The following PDE4D variants were observed in gnomAD, a reference collection of about 807,000 sequenced individuals.
PDE4D encodes phosphodiesterase 4D.
A neutral mutation model predicts 87.4 loss-of-function variants in PDE4D; 24 were observed. The ratio of observed to expected loss-of-function variants is 0.27; its 90% CI spans 0.20 to 0.39. The LOEUF (loss-of-function observed/expected upper bound fraction) is 0.39. PDE4D is among the 10% of genes least tolerant of loss of function. PDE4D has a pLI of 1.00. For missense variants in PDE4D, 714 were observed against 1,041.0 expected, an observed-to-expected ratio of 0.69 and a Z score of 4.32; for synonymous variants, 384 against 383.2, an observed-to-expected ratio of 1.00 and a Z score of -0.02.
chr5:59,451,151 A>G lies in PDE4D; in HGVS notation c.456-235183T>C, dbSNP rs569965662. 9.2e-5 allele frequency among the ~76,000 whole-genome samples: 14 copies of G among 152,304 alleles called. No homozygotes were observed. The South Asian group carries it at 2.7e-3, about 29-fold the overall frequency. On this transcript the variant is annotated intron_variant, in intron 1 of 14. Transcript: ENST00000340635. ...GACTTGTGTTTCACTAAACCAATGAACATTTCTGAAGCTATTGGCCACTCC... is the reference window on the plus strand; with the variant it reads ...GACTTGTGTTTCACTAAACCAATGAGCATTTCTGAAGCTATTGGCCACTCC...
intron 1 of PDE4D, among the ~76,000 whole-genome samples, chr5:59,566,854 T>G (rs1310761685): frequency 6.9e-6 from 1 of 145,738 alleles, no homozygotes; most frequent in Non-Finnish European, 1.5e-5. Flanking sequence ...ATGTTCACAC[T>G]GTATTTCTTC....
chr5:59,737,256 A>T (rs1223395859), intron 1 of PDE4D, among the ~76,000 whole-genome samples: 1 of 152,128 alleles, frequency 6.6e-6, no homozygotes, highest in African/African-American at 2.4e-5. Flanking sequence ...ATCTTTTTTT[A>T]AAAATGTTAA....
intron 1 of PDE4D, among the ~76,000 whole-genome samples, chr5:59,477,353 T>TAAAAAA (rs35047246): frequency 1.1e-5 from 1 of 88,286 alleles, no homozygotes; most frequent in Non-Finnish European, 2.3e-5. Flanking sequence ...TAGAGTATAA[T>TAAAAAA]AAAAAAAAAA....
chr5:59,930,972 T>G (rs936377744), intron 3 of PDE4D, among the ~76,000 whole-genome samples: 3 of 152,228 alleles, frequency 2.0e-5, no homozygotes, highest in Non-Finnish European at 2.9e-5. Context: ...GTGATTGTAA[T>G]AAAAATATGA....
chr5:60,057,603 C>T (rs1025206023), intron 2 of PDE4D, among the ~76,000 whole-genome samples: 2 of 151,872 alleles, frequency 1.3e-5, no homozygotes, highest in African/African-American at 4.8e-5. Context: ...CTCCCATTAG[C>T]TAGTGTTGAG....
chr5:59,397,903 C>T lies in PDE4D; in HGVS notation c.456-181935G>A, dbSNP rs1196494325. On this transcript the variant is annotated intron_variant, in intron 1 of 14. Coordinates refer to ENST00000340635, the MANE Select transcript of PDE4D (RefSeq NM_001104631.2). ...ATAAAAAATGATAAAGGGGATATCA[C>T]CAACGATCCCACAGAAATACAAACT... Among the ~76,000 whole-genome samples the T allele has an allele frequency of 1.7e-4, 21 of 121,498 alleles. 5 individuals are homozygous for T. Among genetic ancestry groups the T allele is most frequent in the African/African-American group, 6.9e-4 (21 of 30,404 alleles). The allele number at this position is 121,498 out of a possible 152,430, so 79.7% of individuals were successfully genotyped here. A position where few individuals can be genotyped will look rare whatever the true frequency, so the allele number is the denominator to read the frequency against.
chr5:59,300,812 TCA>T (rs1770086480), intron 1 of PDE4D, among the ~76,000 whole-genome samples: 1 of 152,124 alleles, frequency 6.6e-6, no homozygotes, highest in South Asian at 2.1e-4. Context: ...ACCACACCAG[TCA>T]CAAGTGTGGG....
chr5:59,291,479 T>G (rs1767994190), intron 1 of PDE4D, among the ~76,000 whole-genome samples: 2 of 151,966 alleles, frequency 1.3e-5, no homozygotes, highest in Admixed American at 1.3e-4. Flanking sequence ...TAAAAAAATG[T>G]AATTAGATAG....
chr5:59,774,881 G>C (rs1280305893), intron 1 of PDE4D, among the ~76,000 whole-genome samples: 1 of 151,884 alleles, frequency 6.6e-6, no homozygotes, highest in East Asian at 1.9e-4. Context: ...TTTTAGTAGA[G>C]ACAGGGTTTC....
chr5:59,480,760 T>C (rs187055548), intron 1 of PDE4D, among the ~76,000 whole-genome samples: 5 of 152,320 alleles, frequency 3.3e-5, no homozygotes, highest in African/African-American at 7.2e-5. Context: ...CATTCATTTA[T>C]TGAGCAGTTA....
At chr5:59,423,198 C>A (rs1406130749) in intron 1 of PDE4D, among the ~76,000 whole-genome samples, 2 of 152,082 alleles carry the variant, frequency 1.3e-5, no homozygotes, top group African/African-American at 4.8e-5. Flanking sequence ...TGGTTCTCAG[C>A]AGAGTATGTT....
intron 1 of PDE4D, among the ~76,000 whole-genome samples, chr5:60,326,440 A>C (rs1312630398): frequency 1.3e-5 from 2 of 152,166 alleles, no homozygotes; most frequent in Non-Finnish European, 2.9e-5. Flanking sequence ...AACACTAGAC[A>C]CTTTAATTCA....
chr5:60,255,220 G>A (rs1748913962), intron 1 of PDE4D, among the ~76,000 whole-genome samples: 1 of 151,884 alleles, frequency 6.6e-6, no homozygotes, highest in African/African-American at 2.4e-5. Flanking sequence ...TCAAAGTGAA[G>A]ACACTGATGT....
intron 1 of PDE4D, among the ~76,000 whole-genome samples, chr5:59,574,963 C>T (rs1561244648): frequency 6.6e-6 from 1 of 151,902 alleles, no homozygotes; most frequent in Non-Finnish European, 1.5e-5. Context: ...AACCACTATA[C>T]TAAAGAATTG....
intron 1 of PDE4D, among the ~76,000 whole-genome samples, chr5:60,300,076 C>T (rs1365404062): frequency 6.6e-6 from 1 of 151,854 alleles, no homozygotes; most frequent in African/African-American, 2.4e-5. Context: ...TTTTTTTATT[C>T]TTAATCACAG....
At chr5:59,125,377 C>T in intron 5 of PDE4D, 1 of 621,976 alleles carries the variant, frequency 1.6e-6, no homozygotes, top group Non-Finnish European at 2.0e-6. Flanking sequence ...GATCCTCTTC[C>T]TTAAGCTTCC....
intron 1 of PDE4D, among the ~76,000 whole-genome samples, chr5:59,681,762 G>A (rs1749048138): frequency 6.6e-6 from 1 of 151,922 alleles, no homozygotes; most frequent in Admixed American, 6.6e-5. Flanking sequence ...AATTAGCCGG[G>A]CGTGGTGGTG....
intron 5 of PDE4D, among the ~76,000 whole-genome samples, chr5:59,049,565 A>G (rs1160574436): frequency 6.6e-6 from 1 of 152,234 alleles, no homozygotes; most frequent in Non-Finnish European, 1.5e-5. Context: ...TGATCCTTAC[A>G]AAATAGAGTA....
At chr5:59,079,683 A>AATC (rs1210218111) in intron 5 of PDE4D, among the ~76,000 whole-genome samples, 4 of 151,180 alleles carry the variant, frequency 2.6e-5, no homozygotes, top group African/African-American at 9.7e-5. Context: ...TAATAATAAT[A>AATC]ATAATAATAA....
Sources: gnomAD v4.1 joint callset for allele counts (sites outside exome capture counted in the v4.1 genomes callset) on GRCh38, gnomAD v4.1.1 for gene constraint, MANE v1.5 for transcripts, NCBI Gene and HGNC (gene_info 2026-07-23, HGNC 2026-07-21) for gene names.